KIRREL3: variants seen among roughly 807,000 people sequenced by gnomAD.
KIRREL3 encodes the protein kin of IRRE-like protein 3.
KIRREL3 carries 36 observed loss-of-function variants against 89.7 expected under a neutral mutation model. That is an observed-to-expected ratio of 0.40 (90% CI 0.31 to 0.53). KIRREL3 has a LOEUF of 0.53. Among genes scored for constraint, KIRREL3 ranks in the 20% least tolerant of loss-of-function variants. KIRREL3 has a pLI of 0.49. For synonymous variants in KIRREL3, 445 were observed against 441.4 expected (o/e 1.01, Z -0.10); for missense variants, 864 against 1,056.6 (o/e 0.82, Z 2.53).
At chr11:126,809,843 T>A (rs1407824684) in intron 1 of KIRREL3, among the ~76,000 whole-genome samples, 2 of 152,204 alleles carry the variant, frequency 1.3e-5, no homozygotes, top group African/African-American at 4.8e-5. Context: ...TGCATCTCCC[T>A]CCTTCCCTTC....
At chr11:126,941,620 A>T (rs1948449479) in intron 1 of KIRREL3, among the ~76,000 whole-genome samples, 1 of 152,042 alleles carries the variant, frequency 6.6e-6, no homozygotes, top group South Asian at 2.1e-4. Context: ...TCATTTTTCT[A>T]CTCTTACCTC....
chr11:126,913,682 A>C (rs1946916733), intron 1 of KIRREL3, among the ~76,000 whole-genome samples: 1 of 152,250 alleles, frequency 6.6e-6, no homozygotes, highest in African/African-American at 2.4e-5. Flanking sequence ...GCTTTAGTCA[A>C]TTGGAGTCAG....
chr11:126,660,178 GGAC>G (rs1209986113), intron 1 of KIRREL3, among the ~76,000 whole-genome samples: 1 of 152,174 alleles, frequency 6.6e-6, no homozygotes, highest in Non-Finnish European at 1.5e-5. Flanking sequence ...TGAGGCCACA[GGAC>G]TACTGAAATA....
Position 126,796,556 on chromosome 11 carries a change from G to A in KIRREL3, c.55+203899C>T, listed in dbSNP as rs942550179. ...AAATTCCCCTCCTTCCTCATGTGAA[G>A]TGCCTAGCTGGTACCCACTGGGTGA... On this transcript the variant is annotated intron_variant, in intron 1 of 16. Coordinates refer to ENST00000525144, the MANE Select transcript of KIRREL3 (RefSeq NM_032531.4). This position sits in a 1 kb window ranked among gnomAD's most constrained non-coding sequence, Gnocchi z 5.1. 6.6e-6 allele frequency among the ~76,000 whole-genome samples: 1 copy of A among 152,236 alleles called. No individual in the cohort carries two copies. The highest frequency in any genetic ancestry group is 6.5e-5 in the Admixed American group (1 of 15,282).
intron 10 of KIRREL3, among the ~76,000 whole-genome samples, chr11:126,442,313 A>AAC (rs71984147): frequency 0.012 from 1,611 of 136,566 alleles, 13 homozygotes; most frequent in African/African-American, 0.032. Context: ...AGACACACAA[A>AAC]ACACACACAC....
chr11:126,958,133 C>T (rs1378476237), intron 1 of KIRREL3, among the ~76,000 whole-genome samples: 2 of 152,184 alleles, frequency 1.3e-5, no homozygotes, highest in African/African-American at 4.8e-5. Flanking sequence ...CAGTGCCTGA[C>T]ACTCAACAAA....
In KIRREL3 at chr11:126,462,203, C is replaced by G. The variant is rs2134250364; in HGVS notation, c.742+954G>C. 6.6e-6 allele frequency among the ~76,000 whole-genome samples: 1 copy of G among 152,242 alleles called. No homozygotes were observed. The highest frequency in any genetic ancestry group is 3.4e-3 in the Middle Eastern group (1 of 294). ...TCATAACTGTCAACATGAATCCTAA[C>G]ACGGGCCACCGAGGGCTGGCTGGGC... On this transcript the variant is annotated intron_variant, in intron 6 of 16. Transcript: ENST00000525144. The surrounding 1 kb of genome is among the most constrained non-coding windows in gnomAD (Gnocchi z 4.8).
intron 1 of KIRREL3, among the ~76,000 whole-genome samples, chr11:126,733,561 T>G (rs114424592): frequency 7.4e-4 from 112 of 152,302 alleles, no homozygotes; most frequent in African/African-American, 2.6e-3. Context: ...TCCATAATCA[T>G]TAATATTCTT....
At chr11:126,600,883 C>A (rs1942623416) in intron 1 of KIRREL3, among the ~76,000 whole-genome samples, 1 of 152,164 alleles carries the variant, frequency 6.6e-6, no homozygotes, top group South Asian at 2.1e-4. Flanking sequence ...GGTTACTGTT[C>A]CCTCTCCCAG....
chr11:126,713,425 A>T (rs1043285442), intron 1 of KIRREL3, among the ~76,000 whole-genome samples: 4 of 152,274 alleles, frequency 2.6e-5, no homozygotes, highest in Admixed American at 1.3e-4. Flanking sequence ...CCATTCTTAG[A>T]AGTTTGGACG....
chr11:126,567,147 T>C (rs1043305682), intron 1 of KIRREL3, among the ~76,000 whole-genome samples: 1 of 152,214 alleles, frequency 6.6e-6, no homozygotes, highest in Non-Finnish European at 1.5e-5. Context: ...AATTCGTACA[T>C]TGAAGTCCTA....
rs567520461 is a variant in KIRREL3, at chr11:126,642,677, G to A, written c.56-79765C>T. On this transcript the variant is annotated intron_variant, in intron 1 of 16. Coordinates refer to ENST00000525144, the MANE Select transcript of KIRREL3 (RefSeq NM_032531.4). This position sits in a 1 kb window ranked among gnomAD's most constrained non-coding sequence, Gnocchi z 4.9. Reference sequence around the variant, plus strand: ...CTTACAGGAAAGGAAAGTGGTTACGGCAGATTGCAATTGTAGGAGGAATGA... The same window carrying A: ...CTTACAGGAAAGGAAAGTGGTTACGACAGATTGCAATTGTAGGAGGAATGA... 2.0e-5 allele frequency among the ~76,000 whole-genome samples: 3 copies of A among 152,324 alleles called. No individual in the cohort carries two copies. The East Asian group carries it at 5.8e-4, about 29-fold the overall frequency.
rs753746325 is a variant in KIRREL3 at position 126,440,541 on chromosome 11, TG to T, written c.1260del (p.Ile421SerfsTer63). 2 of 1,596,912 alleles carry T rather than the reference TG, an allele frequency of 1.3e-6. No individual in the cohort carries two copies. Among genetic ancestry groups the T allele is most frequent in the Non-Finnish European group, 8.5e-7 (1 of 1,172,148 alleles). On this transcript the variant is annotated frameshift_variant, in exon 11 of 17. Coordinates refer to ENST00000525144, the MANE Select transcript of KIRREL3 (RefSeq NM_032531.4). LOFTEE classifies it high-confidence loss of function. ...REVTLTVNGP[P>X]IISSTQTQHA... ...TGCTGGGTCTGGGTGCTGGAGATGA[TG>T]GGGGGTCCTGTTGAGAAACAGCGTC...
rs1216882497 is a variant in KIRREL3 at position 126,668,545 on chromosome 11, A to T, written c.56-105633T>A. On this transcript the variant is annotated intron_variant, in intron 1 of 16. Transcript: ENST00000525144. This position sits in a 1 kb window ranked among gnomAD's most constrained non-coding sequence, Gnocchi z 4.4. Reference sequence around the variant, plus strand: ...GGGGAAGAGGAGCCCTGTCAACTGCACCCGGAATGATGGCCTTTCTTCCTG... The same window carrying T: ...GGGGAAGAGGAGCCCTGTCAACTGCTCCCGGAATGATGGCCTTTCTTCCTG... Among the ~76,000 whole-genome samples, 31 of 151,962 alleles carry T rather than the reference A, an allele frequency of 2.0e-4. No homozygotes were observed. The highest frequency in any genetic ancestry group is 2.0e-3 in the Admixed American group (31 of 15,272).
At position 126,917,495 on chromosome 11, in the gene KIRREL3, A is replaced by AAAAC. The variant is rs1453016315; in HGVS notation, c.55+82956_55+82959dup. Reference sequence around the variant, plus strand: ...TTTACCACAATAAAAAAATTAAAAAAAAACAAGGAAAAACCTGCAAACAAC... The same window carrying AAAAC: ...TTTACCACAATAAAAAAATTAAAAAAAAACAAACAAGGAAAAACCTGCAAACAAC... On this transcript the variant is annotated intron_variant, in intron 1 of 16. Coordinates refer to ENST00000525144, the MANE Select transcript of KIRREL3 (RefSeq NM_032531.4). This position sits in a 1 kb window ranked among gnomAD's most constrained non-coding sequence, Gnocchi z 5.0. 6.6e-6 allele frequency among the ~76,000 whole-genome samples: 1 copy of AAAAC among 152,216 alleles called. No individual in the cohort carries two copies. The highest frequency in any genetic ancestry group is 2.4e-5 in the African/African-American group (1 of 41,458).
At position 126,999,007 on chromosome 11, in the gene KIRREL3, T is replaced by C. The variant is rs1018049705; in HGVS notation, c.55+1448A>G. Among the ~76,000 whole-genome samples the C allele has an allele frequency of 3.4e-5, 5 of 147,906 alleles. No homozygotes were observed. Among genetic ancestry groups the C allele is most frequent in the Admixed American group, 1.4e-4 (2 of 14,654 alleles). On this transcript the variant is annotated intron_variant, in intron 1 of 16. Transcript: ENST00000525144. This position sits in a 1 kb window ranked among gnomAD's most constrained non-coding sequence, Gnocchi z 5.7. ...CAAGAAAGAGGGTAATCTTACCAAA[T>C]GGTAATATAACTGAACCTGTCTCTA...
At chr11:126,450,590 TG>T (rs1444468063) in intron 7 of KIRREL3, among the ~76,000 whole-genome samples, 2 of 150,618 alleles carry the variant, frequency 1.3e-5, no homozygotes, top group Non-Finnish European at 3.0e-5. Context: ...CATGTGCATG[TG>T]TGCATGTGTG....
At chr11:126,881,803 C>A (rs1945510079) in intron 1 of KIRREL3, among the ~76,000 whole-genome samples, 1 of 152,180 alleles carries the variant, frequency 6.6e-6, no homozygotes, top group Non-Finnish European at 1.5e-5. Flanking sequence ...CTTCCTCAGC[C>A]TCCCTAAGTG....
rs1383283234 is a variant in KIRREL3, at chr11:126,903,712, ATG to A, written c.55+96741_55+96742del. On this transcript the variant is annotated intron_variant, in intron 1 of 16. Transcript: ENST00000525144. This position sits in a 1 kb window ranked among gnomAD's most constrained non-coding sequence, Gnocchi z 4.5. ...TTGCAGGAGGCTGACAATGATGAAA[ATG>A]AGATATGTTGGGCCACCAACGCTTT... 6.6e-6 allele frequency among the ~76,000 whole-genome samples: 1 copy of A among 152,242 alleles called. No homozygotes were observed. Among genetic ancestry groups the A allele is most frequent in the Non-Finnish European group, 1.5e-5 (1 of 68,040 alleles).
Sources: allele counts gnomAD v4.1 joint callset (sites outside exome capture counted in the v4.1 genomes callset), GRCh38; gene constraint gnomAD v4.1.1; non-coding constraint Gnocchi (gnomAD v3.1); transcripts MANE v1.5; gene names NCBI Gene and HGNC (gene_info 2026-07-23, HGNC 2026-07-21).